The following FCN2 variants were observed in gnomAD, a reference collection of about 807,000 sequenced individuals.
FCN2 encodes the protein ficolin 2, also known as ficolin-2.
FCN2 carries 31 observed loss-of-function variants against 32.5 expected under a neutral mutation model. The ratio of observed to expected loss-of-function variants is 0.96; its 90% CI spans 0.72 to 1.29. The LOEUF (loss-of-function observed/expected upper bound fraction) is 1.29, where lower values mean the gene tolerates loss of function less well. FCN2 is among the 50% of genes most tolerant of loss of function. The probability of loss-of-function intolerance (pLI) is 0.00; values close to 1 mark genes in which losing one functional copy is unlikely to be tolerated. For missense variants in FCN2, 412 were observed against 406.5 expected (o/e 1.01, Z -0.12); for synonymous variants, 181 against 164.5 (o/e 1.10, Z -0.77).
chr9:134,886,628 C>G, intron 7 of FCN2, 64 bp downstream of exon 7: 1 of 1,582,362 alleles, frequency 6.3e-7, no homozygotes, highest in Non-Finnish European at 8.7e-7. Context: ...GTGGAGAGAG[C>G]GTGCTCAGTG....
chr9:134,882,666 T>C lies in FCN2; in HGVS notation c.214+27T>C, dbSNP rs1352022182. On this transcript the variant is annotated intron_variant, in intron 2 of 7. Coordinates refer to ENST00000291744, the MANE Select transcript of FCN2 (RefSeq NM_004108.3). ...TAGGTGCAGGCATGGCTGGGGGCAC[T>C]GGCTCTTGCTCTTTTTGAAACCAGA... 4 of 1,491,086 alleles carry C rather than the reference T, an allele frequency of 2.7e-6. No individual in the cohort carries two copies. In the African/African-American group the frequency reaches 4.1e-5, roughly 15 times the overall value. 92.4% of individuals were successfully genotyped at this position (1,491,086 alleles called of 1,614,324 possible). A position where few individuals can be genotyped will look rare whatever the true frequency, so the allele number is the denominator to read the frequency against.
chr9:134,881,224 G>C (rs1177767473), intron 1 of FCN2, among the ~76,000 whole-genome samples: 3 of 152,200 alleles, frequency 2.0e-5, no homozygotes, highest in African/African-American at 7.2e-5. Flanking sequence ...GGTGTTGTGT[G>C]GGGAGGTGAG....
the FCN2 span, among the ~76,000 whole-genome samples, chr9:134,872,759 C>T: frequency 2.0e-5 from 3 of 152,164 alleles, no homozygotes; most frequent in Non-Finnish European, 4.4e-5. Context: ...CGGGTCCCTC[C>T]CATGACACAT....
chr9:134,886,560 T>A lies in FCN2; in HGVS notation c.690T>A (p.Ser230Arg). Residue 230 changes from serine to arginine, a missense_variant, in exon 7 of 8, where the codon AGT (serine) becomes AGA (arginine). Ser to Arg is a moderately radical substitution (Grantham distance 110, BLOSUM62 -1). Transcript: ENST00000291744. ...NLVLGAFVEG[S>R]AGDSLTFHNN... ...TCCTGGGGGCCTTCGTGGAGGGCAG[T>A]GCGGGTGAGTGTCTGCTTGGGGCTG... The A allele has an allele frequency of 6.2e-7, 1 of 1,613,840 alleles. No individual in the cohort carries two copies. The highest frequency in any genetic ancestry group is 8.5e-7 in the Non-Finnish European group (1 of 1,179,904).
intron 1 of FCN2, 95 bp from the exon 2 acceptor site, chr9:134,882,431 G>A: frequency 7.8e-6 from 8 of 1,021,302 alleles, no homozygotes; most frequent in Non-Finnish European, 3.1e-6. Flanking sequence ...ATGTCACCAA[G>A]ATGGCAGATG....
At chr9:134,880,757 G>A (rs144529729), upstream of FCN2, 9 of 1,293,492 alleles carry the variant, frequency 7.0e-6, no homozygotes, top group African/African-American at 2.9e-5. Context: ...ATTGGAGTCT[G>A]AGGGAGGCTG....
At chr9:134,886,603 AG>A (rs768356305) in intron 7 of FCN2, 39 bp downstream of exon 7, 8 of 1,610,972 alleles carry the variant, frequency 5.0e-6, no homozygotes, top group Admixed American at 1.7e-5. Flanking sequence ...TGGGCTTCTG[AG>A]GGGGGTTTGG....
rs749775339 is a variant in FCN2 at position 134,887,300 on chromosome 9, A to G, written c.827A>G (p.Asn276Ser). The change falls in exon 8 of 8, where the codon AAT becomes AGT. Residue 276 changes from asparagine (N) to serine (S), a missense_variant. Transcript: ENST00000291744. Reference protein sequence around the residue: ...WYKNCHVSNLNGRYLRGTHGS... With the variant: ...WYKNCHVSNLSGRYLRGTHGS... ...AAAAACTGCCATGTGTCAAACCTGAATGGTCGCTACCTCAGGGGGACTCAT... is the reference window on the plus strand; with the variant it reads ...AAAAACTGCCATGTGTCAAACCTGAGTGGTCGCTACCTCAGGGGGACTCAT... 1.9e-6 allele frequency: 3 copies of G among 1,614,204 alleles called. No individual in the cohort carries two copies. Among genetic ancestry groups the G allele is most frequent in the African/African-American group, 1.3e-5 (1 of 75,044 alleles).
rs762283597 is a variant in FCN2 at position 134,880,914 on chromosome 9, C to T, written c.93C>T (p.Thr31=). The T allele has an allele frequency of 8.1e-6, 13 of 1,612,244 alleles. No homozygotes were observed. The Middle Eastern group carries it at 1.2e-3, about 143-fold the overall frequency. ...GMAWALQAAD[T]CPEVKMVGLE... ...CCTGGGCTCTCCAGGCGGCAGACAC[C>T]TGTCCAGGTAAGGGCACTCCAGGGC... Residue 31 remains threonine, a synonymous_variant, in exon 1 of 8, where the codon ACC becomes ACT. Transcript: ENST00000291744.
In FCN2 at chr9:134,886,579, G is replaced by C. The variant is rs1371974750; in HGVS notation, c.694+15G>C. ...GGGCAGTGCGGGTGAGTGTCTGCTTGGGGCTGTGTGGCCTGGGCTTCTGAG... is the reference window on the plus strand; with the variant it reads ...GGGCAGTGCGGGTGAGTGTCTGCTTCGGGCTGTGTGGCCTGGGCTTCTGAG... On this transcript the variant is annotated intron_variant, in intron 7 of 7. Transcript: ENST00000291744. 2.5e-6 allele frequency: 4 copies of C among 1,613,378 alleles called. No individual in the cohort carries two copies. Among genetic ancestry groups the C allele is most frequent in the Non-Finnish European group, 2.5e-6 (3 of 1,179,552 alleles).
chr9:134,880,825 G>A lies in FCN2; in HGVS notation c.4G>A (p.Glu2Lys). M[E>K]LDRAVGVLGA... Reference sequence around the variant, plus strand: ...TTTGAAGCAAAGACCAGAAGAGATGGAGCTGGACAGAGCTGTGGGGGTCCT... The same window carrying A: ...TTTGAAGCAAAGACCAGAAGAGATGAAGCTGGACAGAGCTGTGGGGGTCCT... Residue 2 changes from glutamate to lysine, a missense_variant, in exon 1 of 8, where the codon GAG (glutamate) becomes AAG (lysine). Physicochemically the swap from Glu to Lys is moderately conservative, Grantham distance 56. Transcript: ENST00000291744. The A allele has an allele frequency of 3.1e-6, 5 of 1,613,176 alleles. No individual in the cohort carries two copies. The highest frequency in any genetic ancestry group is 4.2e-6 in the Non-Finnish European group (5 of 1,179,518).
upstream of FCN2, among the ~76,000 whole-genome samples, chr9:134,877,549 G>A (rs1048911719): frequency 1.3e-5 from 2 of 152,148 alleles, no homozygotes; most frequent in African/African-American, 2.4e-5. Flanking sequence ...TAGTGGCCAC[G>A]TTAGAATTTG....
chr9:134,880,427 C>G (rs535388072), upstream of FCN2, among the ~76,000 whole-genome samples: 1 of 152,296 alleles, frequency 6.6e-6, no homozygotes, highest in African/African-American at 2.4e-5. Flanking sequence ...CATGAGGACT[C>G]TAGGTATTCG....
At position 134,884,937 on chromosome 9, in the gene FCN2, T is replaced by A. The variant is rs150691604; in HGVS notation, c.301+165T>A. On this transcript the variant is annotated intron_variant, in intron 4 of 7. Coordinates refer to ENST00000291744, the MANE Select transcript of FCN2 (RefSeq NM_004108.3). Reference sequence around the variant, plus strand: ...TAATTATTCAAGGAAGTGACAAATATTGTCCAGACAACTTACATACACTCC... The same window carrying A: ...TAATTATTCAAGGAAGTGACAAATAATGTCCAGACAACTTACATACACTCC... 1.3e-4 allele frequency among the ~76,000 whole-genome samples: 20 copies of A among 152,378 alleles called. No individual in the cohort carries two copies. In the East Asian group the frequency reaches 3.9e-3, roughly 29 times the overall value.
In FCN2 at chr9:134,882,542, C is replaced by T. The variant is rs1451077280; in HGVS notation, c.117C>T (p.Gly39=). ...ADTCPEVKMV[G]LEGSDKLTIL... ...TTTCTGCAGAGGTGAAGATGGTGGG[C>T]CTGGAGGGCTCTGACAAGCTCACCA... The change falls in exon 2 of 8, where the codon GGC becomes GGT. Residue 39 remains glycine (G), a synonymous_variant. Transcript: ENST00000291744. 2.5e-6 allele frequency: 4 copies of T among 1,613,970 alleles called. No homozygotes were observed. Among genetic ancestry groups the T allele is most frequent in the Admixed American group, 3.3e-5 (2 of 60,000 alleles).
chr9:134,879,886 G>A (rs551350651), upstream of FCN2, among the ~76,000 whole-genome samples: 8 of 152,272 alleles, frequency 5.3e-5, no homozygotes, highest in East Asian at 1.2e-3. Context: ...TGCTGGTTCC[G>A]TCTCTGGGGG....
chr9:134,886,148 C>A (rs1433638640), intron 6 of FCN2, among the ~76,000 whole-genome samples: 1 of 152,150 alleles, frequency 6.6e-6, no homozygotes, highest in African/African-American at 2.4e-5. Flanking sequence ...CATCTCAGGT[C>A]CTGAGAGGGG....
At chr9:134,884,797 C>T in intron 4 of FCN2, 25 bp downstream of exon 4, 1 of 1,611,774 alleles carries the variant, frequency 6.2e-7, no homozygotes, top group East Asian at 2.2e-5. Context: ...CCACACTCCT[C>T]CCACGGCTTG....
the FCN2 span, among the ~76,000 whole-genome samples, chr9:134,867,398 C>T: frequency 0.013 from 1,947 of 149,310 alleles, 33 homozygotes; most frequent in South Asian, 0.091. Flanking sequence ...GAACAAAAAA[C>T]CAAACACCGC....
Sources: gnomAD v4.1 joint callset for allele counts (sites outside exome capture counted in the v4.1 genomes callset) on GRCh38, gnomAD v4.1.1 for gene constraint, MANE v1.5 for transcripts, NCBI Gene and HGNC (gene_info 2026-07-23, HGNC 2026-07-21) for gene names.